Variants in RAB11FIP1 observed in about 807,000 individuals in gnomAD.
RAB11FIP1 encodes the protein rab11 family-interacting protein 1.
Under a neutral mutation model 83.1 loss-of-function variants are expected in RAB11FIP1, and 49 were observed. The ratio of observed to expected loss-of-function variants is 0.59; its 90% CI spans 0.47 to 0.75. The LOEUF is 0.75. Among genes scored for constraint, RAB11FIP1 ranks in the 30% least tolerant of loss-of-function variants. RAB11FIP1 has a pLI of 0.00. For missense variants in RAB11FIP1, 1,536 were observed against 1,598.7 expected, an observed-to-expected ratio of 0.96 and a Z score of 0.67; for synonymous variants, 670 against 656.0, an observed-to-expected ratio of 1.02 and a Z score of -0.33.
chr8:37,870,652 C>A, intron 4 of RAB11FIP1, 124 bp from the exon 5 acceptor site: 1 of 588,810 alleles, frequency 1.7e-6, no homozygotes, highest in Non-Finnish European at 3.1e-6. Context: ...CTGCCCTCAT[C>A]TCTGGGCCAA....
chr8:37,893,825 A>G (rs887348426), intron 1 of RAB11FIP1, among the ~76,000 whole-genome samples: 1 of 152,126 alleles, frequency 6.6e-6, no homozygotes, highest in Non-Finnish European at 1.5e-5. Context: ...AAGAAGATGG[A>G]AAAAAAGCAG....
intron 1 of RAB11FIP1, among the ~76,000 whole-genome samples, chr8:37,882,579 G>A (rs189740172): frequency 9.9e-5 from 15 of 152,054 alleles, no homozygotes; most frequent in Admixed American, 1.3e-4. Context: ...TCTTACTTTC[G>A]GGAACGTCCT....
chr8:37,877,595 C>G (rs576244114), intron 1 of RAB11FIP1, 44 bp from the exon 2 acceptor site: 21 of 1,295,618 alleles, frequency 1.6e-5, no homozygotes, highest in Non-Finnish European at 2.2e-5. Context: ...ATGGAAGCAA[C>G]TGCAACAATG....
chr8:37,878,483 G>A (rs571116856), intron 1 of RAB11FIP1, among the ~76,000 whole-genome samples: 21 of 138,908 alleles, frequency 1.5e-4, no homozygotes, highest in Non-Finnish European at 2.9e-4. Flanking sequence ...GCAGTGAGCC[G>A]AGATCGCACC....
At chr8:37,892,425 ATATTTATTTATTTATTTATT>A (rs146042883) in intron 1 of RAB11FIP1, among the ~76,000 whole-genome samples, 11 of 144,170 alleles carry the variant, frequency 7.6e-5, no homozygotes, top group African/African-American at 1.5e-4. Context: ...ACTTTTATTT[ATATTTATTTATTTATTTATT>A]TATTTATTTA....
intron 3 of RAB11FIP1, among the ~76,000 whole-genome samples, chr8:37,873,687 C>T (rs955082896): frequency 6.6e-6 from 1 of 151,970 alleles, no homozygotes; most frequent in African/African-American, 2.4e-5. Context: ...AAGTCTGTTG[C>T]AATAGAAATG....
intron 5 of RAB11FIP1, among the ~76,000 whole-genome samples, chr8:37,864,690 A>T (rs536860353): frequency 6.6e-6 from 1 of 152,198 alleles, no homozygotes; most frequent in Non-Finnish European, 1.5e-5. Context: ...CCATAGACAG[A>T]GCGGGTTCAA....
intron 5 of RAB11FIP1, among the ~76,000 whole-genome samples, chr8:37,864,691 G>A (rs533197663): frequency 6.6e-6 from 1 of 152,312 alleles, no homozygotes; most frequent in South Asian, 2.1e-4. Context: ...CATAGACAGA[G>A]CGGGTTCAAC....
At chr8:37,867,251 T>A (rs1315361912) in intron 5 of RAB11FIP1, among the ~76,000 whole-genome samples, 1 of 152,242 alleles carries the variant, frequency 6.6e-6, no homozygotes, top group Non-Finnish European at 1.5e-5. Context: ...GGAAGACAAG[T>A]GCTGCCTCAT....
intron 2 of RAB11FIP1, among the ~76,000 whole-genome samples, chr8:37,876,824 A>G (rs1018728621): frequency 1.3e-5 from 2 of 151,716 alleles, no homozygotes; most frequent in African/African-American, 4.8e-5. Flanking sequence ...TATTTTTTGT[A>G]GAGACAGGGT....
At chr8:37,890,233 A>C (rs1806919182) in intron 1 of RAB11FIP1, among the ~76,000 whole-genome samples, 1 of 152,238 alleles carries the variant, frequency 6.6e-6, no homozygotes, top group African/African-American at 2.4e-5. Context: ...TATTTCACAC[A>C]GGATGCCCAT....
intron 1 of RAB11FIP1, among the ~76,000 whole-genome samples, chr8:37,878,533 C>CAAAAA (rs918942295): frequency 4.5e-3 from 107 of 23,714 alleles, no homozygotes; most frequent in Admixed American, 7.1e-3. Flanking sequence ...GACTCCATCT[C>CAAAAA]AAAAAAAAAA....
At position 37,863,103 on chromosome 8, in the gene RAB11FIP1, G is replaced by A. The variant is rs367553328; in HGVS notation, c.3644C>T (p.Pro1215Leu). 8.7e-6 allele frequency: 14 copies of A among 1,611,606 alleles called. No homozygotes were observed. The African/African-American group carries it at 1.9e-4, about 22-fold the overall frequency. The change falls in exon 6 of 6, where the codon CCC becomes CTC. Residue 1215 changes from proline (P) to leucine (L), a missense_variant. Physicochemically the swap from Pro to Leu is moderately conservative, Grantham distance 98. Transcript: ENST00000330843. Reference protein sequence around the residue: ...NNEVMMKKYSPSDPAFAYAQL... With the variant: ...NNEVMMKKYSLSDPAFAYAQL... Reference sequence around the variant, plus strand: ...CGCATATGCAAATGCAGGGTCCGAGGGGCTGTATTTCTTTGGAGGGGGGGA... The same window carrying A: ...CGCATATGCAAATGCAGGGTCCGAGAGGCTGTATTTCTTTGGAGGGGGGGA...
In RAB11FIP1 at chr8:37,874,838, C is replaced by T. The variant is rs749176969; in HGVS notation, c.1299G>A (p.Arg433=). The T allele has an allele frequency of 3.7e-6, 6 of 1,614,164 alleles. No homozygotes were observed. In the Admixed American group the frequency reaches 5.0e-5, roughly 13 times the overall value. The change falls in exon 3 of 6, where the codon AGG becomes AGA. Residue 433 remains arginine (R), a synonymous_variant. Transcript: ENST00000330843. The part of the protein sequence containing the change: ...AKESKKPESR[R]SSLLSLMTGK... ...CCGTCATCAGAGACAGCAAAGAGGA[C>T]CTCCTGCTCTCTGGCTTCTTGCTCT...
chr8:37,869,635 G>A (rs77206691), intron 5 of RAB11FIP1, among the ~76,000 whole-genome samples: 2,956 of 152,202 alleles, frequency 0.019, 108 homozygotes, highest in African/African-American at 0.067. Flanking sequence ...TGTCCTTACT[G>A]TTAGGAATTA....
In RAB11FIP1 at chr8:37,874,761, G is replaced by A; in HGVS notation, c.1376C>T (p.Pro459Leu). 1 of 1,614,084 alleles carries A rather than the reference G, an allele frequency of 6.2e-7. No homozygotes were observed. The highest frequency in any genetic ancestry group is 8.5e-7 in the Non-Finnish European group (1 of 1,180,012). ...GSEGENPLTV[P>L]GREKEGMLMG... The stretch of plus-strand genomic sequence containing the variant: ...CAGCATGCCTTCCTTCTCCCTCCCT[G>A]GGACCGTGAGAGGGTTTTCACCTTC... The change falls in exon 3 of 6, where the codon CCA becomes CTA. Residue 459 changes from proline to leucine, a missense_variant. Coordinates refer to ENST00000330843, the MANE Select transcript of RAB11FIP1 (RefSeq NM_001002814.3).
chr8:37,871,231 G>C (rs1806449100), intron 4 of RAB11FIP1, 47 bp downstream of exon 4: 2 of 1,543,042 alleles, frequency 1.3e-6, no homozygotes, highest in Non-Finnish European at 1.7e-6. Context: ...AGGAAGCAAA[G>C]GGGGACATTG....
chr8:37,870,264 T>A (rs995363491), intron 5 of RAB11FIP1, 156 bp downstream of exon 5: 1 of 468,326 alleles, frequency 2.1e-6, no homozygotes, highest in East Asian at 3.3e-5. Flanking sequence ...TCCAATGGAA[T>A]GTCTGGGGGC....
In RAB11FIP1 at chr8:37,861,736, G is replaced by A. The variant is rs545942111; in HGVS notation, c.*1159C>T. 5.6e-6 allele frequency: 2 copies of A among 358,688 alleles called. No individual in the cohort carries two copies. Among genetic ancestry groups the A allele is most frequent in the African/African-American group, 2.2e-5 (1 of 46,030 alleles). 22.2% of individuals were successfully genotyped at this position (358,688 alleles called of 1,614,324 possible). ...CCCGAGTAGCTGGGATTACAGGCAC[G>A]CACCACCATGCCAAGCTAATTTTTG... is the stretch of plus-strand genomic sequence containing the variant. On this transcript the variant is annotated 3_prime_UTR_variant, in exon 6 of 6. Coordinates refer to ENST00000330843, the MANE Select transcript of RAB11FIP1 (RefSeq NM_001002814.3).
Sources: gnomAD v4.1 joint callset for allele counts (sites outside exome capture counted in the v4.1 genomes callset) on GRCh38, gnomAD v4.1.1 for gene constraint, MANE v1.5 for transcripts, NCBI Gene and HGNC (gene_info 2026-07-23, HGNC 2026-07-21) for gene names.